The following ANKS6 variants were observed in gnomAD, a reference collection of about 807,000 sequenced individuals.
The protein encoded by ANKS6 is ankyrin repeat and sterile alpha motif domain containing 6, also known as ankyrin repeat and SAM domain-containing protein 6.
A neutral mutation model predicts 77.9 loss-of-function variants in ANKS6; 47 were observed. The ratio of observed to expected loss-of-function variants is 0.60; its 90% CI spans 0.48 to 0.77. The LOEUF (loss-of-function observed/expected upper bound fraction) is 0.77, where lower values mean the gene tolerates loss of function less well. ANKS6 is among the 30% of genes least tolerant of loss of function. ANKS6 has a pLI of 0.00. For synonymous variants in ANKS6, 488 were observed against 501.7 expected (o/e 0.97, Z 0.37); for missense variants, 1,150 against 1,159.1 (o/e 0.99, Z 0.11).
intron 11 of ANKS6, 77 bp downstream of exon 11, chr9:98,768,004 C>G: frequency 6.6e-7 from 1 of 1,509,734 alleles, no homozygotes; most frequent in Non-Finnish European, 8.9e-7. Context: ...AAGGCACTGC[C>G]CATGCTTCCC....
At chr9:98,783,137 AG>A (rs1834372480) in intron 4 of ANKS6, among the ~76,000 whole-genome samples, 2 of 60,182 alleles carry the variant, frequency 3.3e-5, no homozygotes, top group East Asian at 9.6e-4. Flanking sequence ...AGGGGAGGGG[AG>A]GGGGAGGGGA....
intron 11 of ANKS6, among the ~76,000 whole-genome samples, chr9:98,764,514 T>C (rs1281804895): frequency 6.6e-6 from 1 of 152,192 alleles, no homozygotes; most frequent in Non-Finnish European, 1.5e-5. Context: ...TGCTGTGGCA[T>C]TTGATATCAT....
At chr9:98,793,537 T>C (rs1376562071) in intron 1 of ANKS6, among the ~76,000 whole-genome samples, 1 of 152,120 alleles carries the variant, frequency 6.6e-6, no homozygotes, top group African/African-American at 2.4e-5. Flanking sequence ...GTTCTGGTTT[T>C]TTGAGATGGA....
chr9:98,773,530 A>G (rs1833750809), intron 9 of ANKS6, among the ~76,000 whole-genome samples: 1 of 152,046 alleles, frequency 6.6e-6, no homozygotes, highest in African/African-American at 2.4e-5. Flanking sequence ...GTTCACTCAC[A>G]CTTGGCTGGT....
In ANKS6 at chr9:98,736,146, GGCAGGTAAGAA is replaced by G. The variant is rs1349002615; in HGVS notation, c.*362_*372del. On this transcript the variant is annotated 3_prime_UTR_variant, in exon 15 of 15. Coordinates refer to ENST00000353234, the MANE Select transcript of ANKS6 (RefSeq NM_173551.5). ...AGTGATGTGTGTCAGTTAAGAGCAA[GGCAGGTAAGAA>G]GCAGCCGTGCCTTCTCCATCGTCCC... 1.5e-5 allele frequency: 17 copies of G among 1,152,300 alleles called. No homozygotes were observed. The highest frequency in any genetic ancestry group is 1.8e-5 in the Non-Finnish European group (17 of 935,564). The allele number at this position is 1,152,300 out of a possible 1,614,324, so 71.4% of individuals were successfully genotyped here.
chr9:98,780,520 G>C (rs1174993756), intron 5 of ANKS6, among the ~76,000 whole-genome samples, 183 bp from the exon 6 acceptor site: 1 of 152,196 alleles, frequency 6.6e-6, no homozygotes, highest in Non-Finnish European at 1.5e-5. Flanking sequence ...AAGCCAGCAG[G>C]GCTTAACCTA....
At chr9:98,749,216 G>C (rs541119629) in intron 13 of ANKS6, among the ~76,000 whole-genome samples, 1 of 152,194 alleles carries the variant, frequency 6.6e-6, no homozygotes, top group Non-Finnish European at 1.5e-5. Context: ...CCTGTGTCAA[G>C]TAGAGACAAG....
intron 14 of ANKS6, among the ~76,000 whole-genome samples, chr9:98,745,117 C>T (rs754730998): frequency 1.3e-5 from 2 of 152,164 alleles, no homozygotes; most frequent in East Asian, 3.8e-4. Flanking sequence ...TAGTGACTGA[C>T]GGCTCTCTGT....
intron 8 of ANKS6, among the ~76,000 whole-genome samples, chr9:98,776,361 T>C (rs992056469): frequency 9.9e-5 from 15 of 151,750 alleles, no homozygotes; most frequent in African/African-American, 2.4e-4. Flanking sequence ...ATTTCCCAGC[T>C]TCCCCACTGT....
Position 98,782,460 on chromosome 9 carries a change from T to G in ANKS6, c.1219+7A>C, listed in dbSNP as rs547055248. 27 of 1,612,426 alleles carry G rather than the reference T, an allele frequency of 1.7e-5. No individual in the cohort carries two copies. Among genetic ancestry groups the G allele is most frequent in the Non-Finnish European group, 2.3e-5 (27 of 1,178,650 alleles). ...AGATTTACAACCCTTTTCTTGAAAT[T>G]ACCTACCGGGATCATTCAGCAGCAT... On this transcript the variant is annotated splice_region_variant and intron_variant, in intron 5 of 14. Transcript: ENST00000353234.
intron 11 of ANKS6, among the ~76,000 whole-genome samples, chr9:98,761,639 G>T (rs1041118208): frequency 2.0e-5 from 3 of 152,052 alleles, no homozygotes; most frequent in African/African-American, 7.2e-5. Flanking sequence ...TTGCAATATG[G>T]ACATCCAATT....
intron 2 of ANKS6, among the ~76,000 whole-genome samples, chr9:98,788,113 T>C (rs1449170276): frequency 6.6e-6 from 1 of 152,180 alleles, no homozygotes; most frequent in African/African-American, 2.4e-5. Context: ...CATCCACCAA[T>C]GTGTCTGAGC....
intron 13 of ANKS6, among the ~76,000 whole-genome samples, chr9:98,748,160 A>G (rs1424499693): frequency 6.6e-6 from 1 of 152,188 alleles, no homozygotes; most frequent in Non-Finnish European, 1.5e-5. Flanking sequence ...GGTCTCAAGT[A>G]CTTAGTATGC....
chr9:98,770,952 C>G lies in ANKS6; in HGVS notation c.1916G>C (p.Gly639Ala). The G allele has an allele frequency of 6.3e-7, 1 of 1,595,274 alleles. No individual in the cohort carries two copies. Among genetic ancestry groups the G allele is most frequent in the Non-Finnish European group, 8.5e-7 (1 of 1,170,688 alleles). The change falls in exon 10 of 15, where the codon GGC becomes GCC. Residue 639 changes from glycine (G) to alanine (A), a missense_variant. Transcript: ENST00000353234. ...GCTCACACCTACCCCACTGGAGCCG[C>G]CCGATGAATGAGGCGAGTGGTTGAA... The part of the protein sequence containing the change: ...GNFNHSPHSS[G>A]GSSGVGVSRH...
chr9:98,780,384 G>A (rs1429896591), intron 5 of ANKS6, 47 bp from the exon 6 acceptor site: 3 of 1,527,644 alleles, frequency 2.0e-6, no homozygotes, highest in East Asian at 2.4e-5. Context: ...TGTCTGTTGG[G>A]CCATAAGGAG....
At chr9:98,742,408 C>T (rs764588813) in intron 14 of ANKS6, among the ~76,000 whole-genome samples, 12 of 152,226 alleles carry the variant, frequency 7.9e-5, no homozygotes, top group East Asian at 3.8e-4. Context: ...AGAACCAGCA[C>T]GCAGTTGCAG....
At chr9:98,781,604 G>C (rs943011927) in intron 5 of ANKS6, among the ~76,000 whole-genome samples, 1 of 152,112 alleles carries the variant, frequency 6.6e-6, no homozygotes, top group Non-Finnish European at 1.5e-5. Flanking sequence ...ACCTCTTTGA[G>C]GGTCAAACAG....
Position 98,773,891 on chromosome 9 carries a change from C to T in ANKS6, c.1807G>A (p.Gly603Arg), listed in dbSNP as rs981501892. 6.4e-6 allele frequency: 10 copies of T among 1,564,308 alleles called. No homozygotes were observed. The East Asian group carries it at 7.0e-5, about 11-fold the overall frequency. Residue 603 changes from glycine (G) to arginine (R), a missense_variant, in exon 9 of 15, where the codon GGG becomes AGG. Coordinates refer to ENST00000353234, the MANE Select transcript of ANKS6 (RefSeq NM_173551.5). ...AGACAACTTACAGTGTCTGTGCCCC[C>T]GCCGCCCACGGGGTGGCCCCTGCTG... The part of the protein sequence containing the change: ...RASRGHPVGG[G>R]GTDTTPVRPV...
At position 98,790,260 on chromosome 9, in the gene ANKS6, C is replaced by T; in HGVS notation, c.706G>A (p.Gly236Arg). Residue 236 changes from glycine to arginine, a missense_variant, in exon 2 of 15, where the codon GGG becomes AGG. Gly to Arg is a moderately radical substitution (Grantham distance 125, BLOSUM62 -2). Coordinates refer to ENST00000353234, the MANE Select transcript of ANKS6 (RefSeq NM_173551.5). Reference protein sequence around the residue: ...WSPLMLAALTGRLGVAQQLVE... With the variant: ...WSPLMLAALTRRLGVAQQLVE... ...AGCTGCTGGGCCACTCCAAGCCGCC[C>T]AGTGAGTGCGGCCAGCATCAGCGGG... 6.2e-7 allele frequency: 1 copy of T among 1,605,464 alleles called. No individual in the cohort carries two copies. The highest frequency in any genetic ancestry group is 1.1e-5 in the South Asian group (1 of 90,902).
Sources: gnomAD v4.1 joint callset for allele counts (sites outside exome capture counted in the v4.1 genomes callset) on GRCh38, gnomAD v4.1.1 for gene constraint, MANE v1.5 for transcripts, NCBI Gene and HGNC (gene_info 2026-07-23, HGNC 2026-07-21) for gene names.